The following ADAMTSL3 variants were observed in gnomAD, a reference collection of about 807,000 sequenced individuals.
The protein encoded by ADAMTSL3 is ADAMTS-like protein 3.
A neutral mutation model predicts 201.7 loss-of-function variants in ADAMTSL3; 128 were observed. That is an observed-to-expected ratio of 0.63 (90% CI 0.55 to 0.73). The LOEUF (loss-of-function observed/expected upper bound fraction) is 0.73, where lower values mean the gene tolerates loss of function less well. Ranked by LOEUF, ADAMTSL3 falls within the 30% of genes least tolerant of loss-of-function variation. The pLI, the probability that ADAMTSL3 is intolerant of heterozygous loss-of-function variation, is 0.00. For missense variants in ADAMTSL3, 1,990 were observed against 2,119.6 expected (o/e 0.94, Z 1.20); for synonymous variants, 738 against 748.4 (o/e 0.99, Z 0.23).
chr15:83,692,961 A>G (rs2061633007), intron 2 of ADAMTSL3, among the ~76,000 whole-genome samples: 1 of 152,200 alleles, frequency 6.6e-6, no homozygotes, highest in African/African-American at 2.4e-5. Flanking sequence ...TAGGGGTGAG[A>G]AAGACCTTGA....
At chr15:83,688,767 CACACACACACACACAT>C (rs1313843799) in intron 2 of ADAMTSL3, among the ~76,000 whole-genome samples, 2 of 151,514 alleles carry the variant, frequency 1.3e-5, no homozygotes, top group African/African-American at 4.9e-5. Context: ...CACACACACA[CACACACACACACACAT>C]ACACACACAC....
intron 16 of ADAMTSL3, among the ~76,000 whole-genome samples, chr15:83,916,204 A>T (rs1444922086): frequency 6.6e-6 from 1 of 152,316 alleles, no homozygotes; most frequent in East Asian, 1.9e-4. Flanking sequence ...GCTTTATGAT[A>T]TACTCTTGTG....
chr15:84,001,128 G>A (rs973975075), intron 23 of ADAMTSL3, among the ~76,000 whole-genome samples: 5 of 152,208 alleles, frequency 3.3e-5, no homozygotes, highest in Admixed American at 3.3e-4. Context: ...AGTCACTCAA[G>A]ATATTAAGCT....
intron 6 of ADAMTSL3, among the ~76,000 whole-genome samples, chr15:83,829,688 A>T (rs1439964015): frequency 4.6e-5 from 7 of 152,120 alleles, no homozygotes; most frequent in Admixed American, 6.5e-5. Flanking sequence ...CCCTCTACAC[A>T]CTGCTTTAAA....
chr15:83,898,391 A>T (rs2065659264), intron 14 of ADAMTSL3, among the ~76,000 whole-genome samples: 1 of 152,188 alleles, frequency 6.6e-6, no homozygotes, highest in South Asian at 2.1e-4. Context: ...ACAGAGGAAG[A>T]AGTAGAGGAG....
intron 9 of ADAMTSL3, among the ~76,000 whole-genome samples, chr15:83,877,699 C>T (rs1246056918): frequency 1.3e-5 from 2 of 152,238 alleles, no homozygotes; most frequent in African/African-American, 4.8e-5. Flanking sequence ...TTTTCCAATA[C>T]TAAGTCTTTT....
intron 15 of ADAMTSL3, among the ~76,000 whole-genome samples, chr15:83,908,609 G>A (rs538341223): frequency 9.9e-5 from 15 of 152,214 alleles, no homozygotes; most frequent in African/African-American, 2.9e-4. Context: ...TCTTTTCCTG[G>A]TTTTGAATGT....
intron 2 of ADAMTSL3, among the ~76,000 whole-genome samples, chr15:83,671,865 A>G (rs572934695): frequency 6.6e-6 from 1 of 152,282 alleles, no homozygotes; most frequent in African/African-American, 2.4e-5. Flanking sequence ...TCTCCTTAAG[A>G]GGAATAATGG....
chr15:83,815,481 T>C (rs189800340), intron 5 of ADAMTSL3, among the ~76,000 whole-genome samples: 1 of 152,346 alleles, frequency 6.6e-6, no homozygotes, highest in East Asian at 1.9e-4. Context: ...ATAAGTGTTG[T>C]CTTCAACTTA....
At chr15:83,855,929 T>G (rs1036824857) in intron 7 of ADAMTSL3, among the ~76,000 whole-genome samples, 1 of 151,958 alleles carries the variant, frequency 6.6e-6, no homozygotes, top group Non-Finnish European at 1.5e-5. Context: ...GAGGATTGCT[T>G]GAGCCCAGGA....
intron 23 of ADAMTSL3, 91 bp downstream of exon 23, chr15:83,991,305 G>T: frequency 6.3e-7 from 1 of 1,580,780 alleles, no homozygotes; most frequent in Non-Finnish European, 8.6e-7. Flanking sequence ...TGGCATTTTG[G>T]TATTCGAGAC....
At chr15:83,692,844 T>A (rs920451374) in intron 2 of ADAMTSL3, among the ~76,000 whole-genome samples, 9 of 152,164 alleles carry the variant, frequency 5.9e-5, no homozygotes, top group African/African-American at 2.2e-4. Context: ...TCGGAGTATG[T>A]GCAAAAAGCA....
intron 7 of ADAMTSL3, among the ~76,000 whole-genome samples, chr15:83,841,840 C>A (rs1312104889): frequency 6.6e-6 from 1 of 151,846 alleles, no homozygotes; most frequent in Non-Finnish European, 1.5e-5. Flanking sequence ...TATAAAAACC[C>A]CAAGACCCTA....
intron 20 of ADAMTSL3, among the ~76,000 whole-genome samples, chr15:83,980,771 C>T (rs2067372508): frequency 6.6e-6 from 1 of 152,210 alleles, no homozygotes; most frequent in Non-Finnish European, 1.5e-5. Context: ...GGGTTCACCT[C>T]CATTGTTTCC....
intron 23 of ADAMTSL3, among the ~76,000 whole-genome samples, chr15:84,002,268 G>T (rs1019456060): frequency 1.3e-5 from 2 of 152,148 alleles, no homozygotes; most frequent in African/African-American, 4.8e-5. Context: ...AAAAAACCTT[G>T]TGCTTTGGCT....
Position 83,870,966 on chromosome 15 carries a change from T to G in ADAMTSL3, c.960+7T>G, listed in dbSNP as rs751252109. 1.4e-5 allele frequency: 22 copies of G among 1,610,004 alleles called. No individual in the cohort carries two copies. Among genetic ancestry groups the G allele is most frequent in the Admixed American group, 8.5e-5 (5 of 58,898 alleles). ...GGCTGATTTCATCTTCAAGGTAGGA[T>G]GATCCTCTTCATAAACTTCATGTAC... is the stretch of plus-strand genomic sequence containing the variant. On this transcript the variant is annotated splice_region_variant and intron_variant, in intron 9 of 29. Transcript: ENST00000286744.
intron 7 of ADAMTSL3, among the ~76,000 whole-genome samples, chr15:83,855,523 T>C (rs1217586706): frequency 1.3e-5 from 2 of 152,158 alleles, no homozygotes; most frequent in African/African-American, 2.4e-5. Context: ...GAATTGGGCA[T>C]TGAAGGAGCT....
chr15:83,891,531 ATCTT>A (rs1379467099), intron 12 of ADAMTSL3, 152 bp downstream of exon 12: 2 of 630,978 alleles, frequency 3.2e-6, no homozygotes, highest in Non-Finnish European at 5.4e-6. Context: ...AATAGGAAAA[ATCTT>A]TCTAAGAATT....
At chr15:83,922,793 TA>T (rs140765023) in intron 16 of ADAMTSL3, among the ~76,000 whole-genome samples, 2,818 of 152,356 alleles carry the variant, frequency 0.018, 40 homozygotes, top group Non-Finnish European at 0.03. Context: ...TAAAATACTG[TA>T]AAATGGTTGA....
Sources: allele counts gnomAD v4.1 joint callset (sites outside exome capture counted in the v4.1 genomes callset), GRCh38; gene constraint gnomAD v4.1.1; transcripts MANE v1.5; gene names NCBI Gene and HGNC (gene_info 2026-07-23, HGNC 2026-07-21).